SERPINA7: variants seen among roughly 807,000 people sequenced by gnomAD.
The protein encoded by SERPINA7 is thyroxine-binding globulin.
In SERPINA7, 14 loss-of-function variants were observed where a neutral mutation model predicts 16.0. The ratio of observed to expected loss-of-function variants is 0.88; its 90% CI spans 0.58 to 1.37. The LOEUF (loss-of-function observed/expected upper bound fraction) is 1.37. Among genes scored for constraint, SERPINA7 ranks in the 40% most tolerant of loss-of-function variants. The pLI, the probability that SERPINA7 is intolerant of heterozygous loss-of-function variation, is 0.00. For missense variants in SERPINA7, 335 were observed against 296.6 expected, an observed-to-expected ratio of 1.13 and a Z score of -0.95; for synonymous variants, 140 against 111.0, an observed-to-expected ratio of 1.26 and a Z score of -1.65.
In SERPINA7 at chrX:106,036,914, A is replaced by C; in HGVS notation, c.145T>G (p.Phe49Val). 1 of 1,211,262 alleles carries C rather than the reference A, an allele frequency of 8.3e-7. No individual in the cohort carries two copies. The highest frequency in any genetic ancestry group is 1.1e-6 in the Non-Finnish European group (1 of 895,191). Residue 49 changes from phenylalanine to valine, a missense_variant, in exon 2 of 5, where the codon TTT (phenylalanine) becomes GTT (valine). Transcript: ENST00000372563. ...AACCTCCGGTACAGATTGAATGCAA[A>C]GTCAGCATTAATGGATGACATCTTG... ...LYKMSSINAD[F>V]AFNLYRRFTV... is the part of the protein sequence containing the mutation.
chrX:106,033,633 AG>A lies in SERPINA7; in HGVS notation c.1114del (p.Leu372PhefsTer23), dbSNP rs587776719. ...GAAAGTGTTTTCAGGCTGATCCGAA[AG>A]TTCAACTTCAGGGACAGCTGCAGCT... ...TEAAAVPEVE[L>X]SDQPENTFLH... is the part of the protein sequence containing the mutation. On this transcript the variant is annotated frameshift_variant, in exon 5 of 5. Coordinates refer to ENST00000372563, the MANE Select transcript of SERPINA7 (RefSeq NM_000354.6). LOFTEE classifies it high-confidence loss of function. 25 of 1,211,576 alleles carry A rather than the reference AG, an allele frequency of 2.1e-5. No homozygotes were observed. In the East Asian group the frequency reaches 7.4e-4, roughly 36 times the overall value.
rs761530997 is a variant in SERPINA7, at chrX:106,036,649, C to A, written c.410G>T (p.Gly137Val). ...CTTTGCCAGTGGTTTCAGATGCTTG[C>A]CAATGAAGAGGGCATTTCCTATCTG... ...ELQIGNALFI[G>V]KHLKPLAKFL... Residue 137 changes from glycine to valine, a missense_variant, in exon 2 of 5, where the codon GGC (glycine) becomes GTC (valine). Physicochemically the swap from Gly to Val is moderately radical, Grantham distance 109. Transcript: ENST00000372563. 1 of 1,210,635 alleles carries A rather than the reference C, an allele frequency of 8.3e-7. No individual in the cohort carries two copies. Among genetic ancestry groups the A allele is most frequent in the Non-Finnish European group, 1.1e-6 (1 of 894,947 alleles).
Position 106,036,926 on chromosome X carries a change from T to G in SERPINA7, c.133A>C (p.Ile45Leu). 1 of 1,211,418 alleles carries G rather than the reference T, an allele frequency of 8.3e-7. No homozygotes were observed. The highest frequency in any genetic ancestry group is 1.1e-6 in the Non-Finnish European group (1 of 895,215). Residue 45 changes from isoleucine to leucine, a missense_variant, in exon 2 of 5, where the codon ATT becomes CTT. Coordinates refer to ENST00000372563, the MANE Select transcript of SERPINA7 (RefSeq NM_000354.6). ...AGATTGAATGCAAAGTCAGCATTAA[T>G]GGATGACATCTTGTAGAGAGTGGCA... ...PNATLYKMSS[I>L]NADFAFNLYR...
At chrX:106,033,780 G>T (rs2041426926) in intron 4 of SERPINA7, 77 bp from the exon 5 acceptor site, 1 of 1,207,950 alleles carries the variant, frequency 8.3e-7, no homozygotes, top group African/African-American at 1.7e-5. Context: ...AGTAAGAAAG[G>T]GAAAGGAAAG....
chrX:106,034,739 G>A (rs753884989), intron 3 of SERPINA7, among the ~76,000 whole-genome samples: 2 of 111,880 alleles, frequency 1.8e-5, no homozygotes, highest in African/African-American at 6.5e-5. Context: ...GTACAGAGTG[G>A]CTGCCCAATC....
In SERPINA7 at chrX:106,033,272, A is replaced by T; in HGVS notation, c.*228T>A. The stretch of plus-strand genomic sequence containing the variant: ...TTCTGACAAAGAGAAATATACAAAC[A>T]TAGAGCCTTCCTATGCTTTGGATAA... On this transcript the variant is annotated 3_prime_UTR_variant, in exon 5 of 5. Transcript: ENST00000372563. 2.3e-6 allele frequency: 1 copy of T among 427,310 alleles called. No homozygotes were observed. 35.2% of individuals were successfully genotyped at this position (427,310 alleles called of 1,213,427 possible).
chrX:106,036,228 G>A (rs1365119921), intron 2 of SERPINA7, among the ~76,000 whole-genome samples: 3 of 111,395 alleles, frequency 2.7e-5, no homozygotes, highest in Non-Finnish European at 5.7e-5. Flanking sequence ...CTGAAAGGGC[G>A]CTCTCCCTAG....
At position 106,036,844 on chromosome X, in the gene SERPINA7, C is replaced by T. The variant is rs1460784032; in HGVS notation, c.215G>A (p.Ser72Asn). 3.3e-6 allele frequency: 4 copies of T among 1,211,148 alleles called. No homozygotes were observed. The highest frequency in any genetic ancestry group is 3.0e-5 in the East Asian group (1 of 33,766). Residue 72 changes from serine to asparagine, a missense_variant, in exon 2 of 5, where the codon AGC (serine) becomes AAC (asparagine). Physicochemically the swap from Ser to Asn is conservative, Grantham distance 46 (BLOSUM62 1). Coordinates refer to ENST00000372563, the MANE Select transcript of SERPINA7 (RefSeq NM_000354.6). ...AAGCATAACCAAAGCTGCAGAAATG[C>T]TCACAGGGGAAAAGAAGATGTTCTT... ...PDKNIFFSPV[S>N]ISAALVMLSF...
chrX:106,033,431 C>A lies in SERPINA7; in HGVS notation c.*69G>T. The A allele has an allele frequency of 8.9e-7, 1 of 1,118,147 alleles. No homozygotes were observed. Among genetic ancestry groups the A allele is most frequent in the Non-Finnish European group, 1.2e-6 (1 of 811,031 alleles). The allele number at this position is 1,118,147 out of a possible 1,213,427, so 92.1% of individuals were successfully genotyped here. The stretch of plus-strand genomic sequence containing the variant: ...AAGTCCAAGCTCACATCAATCACAC[C>A]AGGCTATATTATTTATTTATTTCCC... On this transcript the variant is annotated 3_prime_UTR_variant, in exon 5 of 5. Transcript: ENST00000372563.
chrX:106,035,810 T>C (rs954895036), intron 2 of SERPINA7, among the ~76,000 whole-genome samples: 7 of 112,648 alleles, frequency 6.2e-5, no homozygotes, highest in Non-Finnish European at 9.4e-5. Flanking sequence ...GGCTGACATA[T>C]ACTATAGAAC....
At chrX:106,034,747 A>G (rs919105075) in intron 3 of SERPINA7, among the ~76,000 whole-genome samples, 2 of 111,912 alleles carry the variant, frequency 1.8e-5, no homozygotes, top group African/African-American at 6.5e-5. Context: ...TGGCTGCCCA[A>G]TCACCTTTCA....
chrX:106,033,978 T>A (rs2041428646), intron 4 of SERPINA7, among the ~76,000 whole-genome samples: 1 of 111,950 alleles, frequency 8.9e-6, no homozygotes, highest in Non-Finnish European at 1.9e-5. Context: ...CAGAACTGCA[T>A]CTCACCAGAG....
rs1242529865 is a variant in SERPINA7 at position 106,032,450 on chromosome X, A to G, written c.*1050T>C. 2.7e-5 allele frequency: 3 copies of G among 112,489 alleles called. No individual in the cohort carries two copies. Among genetic ancestry groups the G allele is most frequent in the Non-Finnish European group, 5.6e-5 (3 of 53,293 alleles). 9.3% of individuals were successfully genotyped at this position (112,489 alleles called of 1,213,427 possible). A position where few individuals can be genotyped will look rare whatever the true frequency, so the allele number is the denominator to read the frequency against. ...GTAATACACATGCTTTTCTAAACATAAATATTTATTTCAATATGGAAGTAC... is the reference window on the plus strand; with the variant it reads ...GTAATACACATGCTTTTCTAAACATGAATATTTATTTCAATATGGAAGTAC... On this transcript the variant is annotated 3_prime_UTR_variant, in exon 5 of 5. Coordinates refer to ENST00000372563, the MANE Select transcript of SERPINA7 (RefSeq NM_000354.6).
rs1403811168 is a variant in SERPINA7 at position 106,033,705 on chromosome X, T to A, written c.1045-2A>T. ...GTGCAGCACAGCCTTATGGGCAGCC[T>A]GTGTGGGGAGAACAAATCCTGCGGG... On this transcript the variant is annotated splice_acceptor_variant, in intron 4 of 4. Transcript: ENST00000372563. LOFTEE classifies it high-confidence loss of function. The A allele has an allele frequency of 8.3e-7, 1 of 1,210,673 alleles. No homozygotes were observed. Among genetic ancestry groups the A allele is most frequent in the Non-Finnish European group, 1.1e-6 (1 of 894,634 alleles).
Position 106,033,459 on chromosome X carries a change from T to G in SERPINA7, c.*41A>C. 2 of 1,192,179 alleles carry G rather than the reference T, an allele frequency of 1.7e-6. No individual in the cohort carries two copies. Among genetic ancestry groups the G allele is most frequent in the Non-Finnish European group, 1.1e-6 (1 of 877,860 alleles). ...GCTATATTATTTATTTATTTCCCATTGCAATACACACGTGCAATTAGCCAA... is the reference window on the plus strand; with the variant it reads ...GCTATATTATTTATTTATTTCCCATGGCAATACACACGTGCAATTAGCCAA... On this transcript the variant is annotated 3_prime_UTR_variant, in exon 5 of 5. Transcript: ENST00000372563.
In SERPINA7 at chrX:106,033,506, T is replaced by G. The variant is rs61730548; in HGVS notation, c.1242A>C (p.Glu414Asp). The change falls in exon 5 of 5, where the codon GAA becomes GAC. Residue 414 changes from glutamate (E) to aspartate (D), a missense_variant. Glu to Asp is a conservative substitution (Grantham distance 45, BLOSUM62 2). Transcript: ENST00000372563. ...CCAATGGCCTTTTTCCCAACTACGC[T>G]TCCGTTGGGTTCACAACTTTCCCTA... ...LFLGKVVNPTEA is the reference protein window; with the variant it reads ...LFLGKVVNPTDA 9.4e-4 allele frequency: 1,141 copies of G among 1,209,264 alleles called. 10 individuals are homozygous for G. The African/African-American group carries it at 0.018, about 19-fold the overall frequency.
Position 106,035,258 on chromosome X carries a change from C to T in SERPINA7, c.750G>A (p.Met250Ile), listed in dbSNP as rs1346432892. 1.7e-6 allele frequency: 2 copies of T among 1,211,302 alleles called. No individual in the cohort carries two copies. Among genetic ancestry groups the T allele is most frequent in the Admixed American group, 2.2e-5 (1 of 46,004 alleles). ...QMEQYYHLVD[M>I]ELNCTVLQMD... The stretch of plus-strand genomic sequence containing the variant: ...TTTGCAGAACTGTGCAGTTCAATTC[C>T]ATATCCACTAGGTGATAGTATTGTT... Residue 250 changes from methionine (M) to isoleucine (I), a missense_variant, in exon 3 of 5, where the codon ATG (methionine) becomes ATA (isoleucine). Physicochemically the swap from Met to Ile is conservative, Grantham distance 10 (BLOSUM62 1). Transcript: ENST00000372563.
At chrX:106,037,985 C>A (rs2041464671) in intron 1 of SERPINA7, among the ~76,000 whole-genome samples, 1 of 111,017 alleles carries the variant, frequency 9.0e-6, no homozygotes, top group South Asian at 3.8e-4. Context: ...GAAAAAGGAT[C>A]CTTCCTCCAC....
intron 4 of SERPINA7, 58 bp from the exon 5 acceptor site, chrX:106,033,761 A>G (rs1275989786): frequency 8.3e-7 from 1 of 1,208,576 alleles, no homozygotes; most frequent in African/African-American, 1.8e-5. Context: ...GTCTTTGGGA[A>G]GGTCTAGAAG....
Sources: gnomAD v4.1 joint callset for allele counts (sites outside exome capture counted in the v4.1 genomes callset) on GRCh38, gnomAD v4.1.1 for gene constraint, MANE v1.5 for transcripts, NCBI Gene and HGNC (gene_info 2026-07-23, HGNC 2026-07-21) for gene names.